The following TTC1 variants were observed in gnomAD, a reference collection of about 807,000 sequenced individuals.
TTC1 encodes the protein tetratricopeptide repeat protein 1.
A neutral mutation model predicts 37.6 loss-of-function variants in TTC1; 31 were observed. That is an observed-to-expected ratio of 0.82 (90% confidence interval 0.62 to 1.11). TTC1 has a LOEUF of 1.11. Ranked by LOEUF, TTC1 falls within the 50% of genes most tolerant of loss-of-function variation. The pLI is 0.00. For synonymous variants in TTC1, 127 were observed against 122.4 expected, an observed-to-expected ratio of 1.04 and a Z score of -0.25; for missense variants, 351 against 339.0, an observed-to-expected ratio of 1.04 and a Z score of -0.28.
intron 2 of TTC1, among the ~76,000 whole-genome samples, chr5:160,020,038 C>T (rs986457215): frequency 6.6e-6 from 1 of 151,802 alleles, no homozygotes; most frequent in Non-Finnish European, 1.5e-5. Flanking sequence ...AAGTGATTCT[C>T]CTGCCTCAGC....
intron 4 of TTC1, among the ~76,000 whole-genome samples, chr5:160,040,877 T>C (rs898866164): frequency 1.3e-4 from 20 of 152,072 alleles, no homozygotes; most frequent in African/African-American, 4.6e-4. Flanking sequence ...CCCGAATCAC[T>C]GGAATTATAG....
At chr5:160,062,262 C>T (rs1239382350) in intron 7 of TTC1, among the ~76,000 whole-genome samples, 1 of 152,212 alleles carries the variant, frequency 6.6e-6, no homozygotes, top group African/African-American at 2.4e-5. Context: ...GCAGTCTTAG[C>T]TTGGAATGGT....
At chr5:160,035,949 A>G (rs887328657) in intron 3 of TTC1, among the ~76,000 whole-genome samples, 2 of 146,218 alleles carry the variant, frequency 1.4e-5, no homozygotes, top group African/African-American at 5.3e-5. Context: ...TTCAGATTTT[A>G]GGGTTTTTTT....
At chr5:160,061,757 A>G (rs183178595) in intron 7 of TTC1, 2 of 152,156 alleles carry the variant, frequency 1.3e-5, no homozygotes, top group Admixed American at 6.5e-5. Context: ...ATAATTATCT[A>G]TGTGTTAGTT....
chr5:160,041,420 C>T (rs1346145798), intron 4 of TTC1, among the ~76,000 whole-genome samples: 1 of 151,308 alleles, frequency 6.6e-6, no homozygotes, highest in Non-Finnish European at 1.5e-5. Flanking sequence ...AAGCAATTCT[C>T]CTGCGTCAGC....
intron 2 of TTC1, among the ~76,000 whole-genome samples, chr5:160,025,871 T>C (rs988435996): frequency 2.6e-5 from 4 of 152,234 alleles, no homozygotes; most frequent in African/African-American, 4.8e-5. Flanking sequence ...CTTGGGACTA[T>C]AGATGTGCAC....
chr5:160,058,409 CTTTT>C (rs1171929571), intron 7 of TTC1, among the ~76,000 whole-genome samples: 6 of 129,766 alleles, frequency 4.6e-5, no homozygotes, highest in South Asian at 2.5e-4. Context: ...AAGTGTATTT[CTTTT>C]TTTTTTTTTT....
chr5:160,048,187 G>A (rs2113389884), intron 5 of TTC1, among the ~76,000 whole-genome samples: 1 of 124,708 alleles, frequency 8.0e-6, no homozygotes, highest in African/African-American at 3.1e-5. Context: ...TCTCTCTGTT[G>A]CCCGGGCTGG....
chr5:160,022,033 CT>C (rs1252330218), intron 2 of TTC1, among the ~76,000 whole-genome samples: 1 of 152,202 alleles, frequency 6.6e-6, no homozygotes, highest in Admixed American at 6.5e-5. Context: ...CAGCAGAGAG[CT>C]GCTGATAGAT....
At chr5:160,026,110 T>G (rs1756799611) in intron 2 of TTC1, among the ~76,000 whole-genome samples, 1 of 152,192 alleles carries the variant, frequency 6.6e-6, no homozygotes, top group Admixed American at 6.5e-5. Flanking sequence ...GATACTTGGT[T>G]TTCTAAAGGT....
chr5:160,054,062 G>T (rs1266515924), intron 7 of TTC1, among the ~76,000 whole-genome samples: 1 of 152,064 alleles, frequency 6.6e-6, no homozygotes, highest in Non-Finnish European at 1.5e-5. Context: ...CAGCTGGAGT[G>T]GGGGTTGGTT....
At chr5:160,023,865 C>T (rs1756757324) in intron 2 of TTC1, 1 of 1,609,970 alleles carries the variant, frequency 6.2e-7, no homozygotes, top group Non-Finnish European at 8.5e-7. Flanking sequence ...TTTTTCTTCT[C>T]CTCCTTTCTT....
At chr5:160,024,982 A>T (rs1337547895) in intron 2 of TTC1, among the ~76,000 whole-genome samples, 1 of 152,096 alleles carries the variant, frequency 6.6e-6, no homozygotes, top group Non-Finnish European at 1.5e-5. Flanking sequence ...GACTGCAGGC[A>T]TGAGCCATCA....
chr5:160,062,934 C>T lies in TTC1; in HGVS notation c.746-1998C>T, dbSNP rs150571960. On this transcript the variant is annotated intron_variant, in intron 7 of 7. Transcript: ENST00000231238. ...TCTTTCTCTTGCTTGTTGTGAGCCC[C>T]TCCCTCTACGCCCATGTGCCCGAGG... 5.6e-3 allele frequency among the ~76,000 whole-genome samples: 859 copies of T among 152,264 alleles called. 13 individuals carry two copies. Among genetic ancestry groups the T allele is most frequent in the African/African-American group, 0.02 (822 of 41,548 alleles).
intron 7 of TTC1, among the ~76,000 whole-genome samples, chr5:160,064,145 T>C (rs2113429207): frequency 6.6e-6 from 1 of 152,088 alleles, no homozygotes. Flanking sequence ...ATTTTTGTAT[T>C]TTTTGTAGAG....
chr5:160,029,922 C>A (rs1429959467), intron 2 of TTC1, among the ~76,000 whole-genome samples: 1 of 152,150 alleles, frequency 6.6e-6, no homozygotes, highest in African/African-American at 2.4e-5. Context: ...GGGTGGGGCC[C>A]ACCAGAGAGG....
intron 7 of TTC1, among the ~76,000 whole-genome samples, chr5:160,054,255 C>T (rs1432573671): frequency 6.6e-6 from 1 of 152,156 alleles, no homozygotes; most frequent in Admixed American, 6.5e-5. Context: ...TTTTGAGGAG[C>T]TAGTCATTGA....
intron 7 of TTC1, among the ~76,000 whole-genome samples, chr5:160,059,716 A>G (rs2113416554): frequency 6.6e-6 from 1 of 152,352 alleles, no homozygotes; most frequent in East Asian, 1.9e-4. Flanking sequence ...CATTTCAGTT[A>G]GCTGTCTTAT....
intron 2 of TTC1, chr5:160,023,739 T>C: frequency 6.2e-7 from 1 of 1,611,400 alleles, no homozygotes; most frequent in South Asian, 1.1e-5. Flanking sequence ...TGCTTCTTCT[T>C]GTGCTTCTTC....
Sources: allele counts gnomAD v4.1 joint callset (sites outside exome capture counted in the v4.1 genomes callset), GRCh38; gene constraint gnomAD v4.1.1; transcripts MANE v1.5; gene names NCBI Gene and HGNC (gene_info 2026-07-23, HGNC 2026-07-21).